Variants in CNTNAP2 observed in about 807,000 individuals in gnomAD.
CNTNAP2 encodes contactin associated protein 2.
CNTNAP2 carries 98 observed loss-of-function variants against 155.2 expected under a neutral mutation model. The observed-to-expected ratio is 0.63, with a 90% CI of 0.54 to 0.75. The LOEUF is 0.75. Ranked by LOEUF, CNTNAP2 falls within the 30% of genes least tolerant of loss-of-function variation. The pLI, the probability that CNTNAP2 is intolerant of heterozygous loss-of-function variation, is 0.00. For synonymous variants in CNTNAP2, 651 were observed against 631.2 expected (o/e 1.03, Z -0.47); for missense variants, 1,727 against 1,688.1 (o/e 1.02, Z -0.40).
chr7:146,875,762 T>G (rs572061583), intron 3 of CNTNAP2, among the ~76,000 whole-genome samples: 1 of 151,238 alleles, frequency 6.6e-6, no homozygotes, highest in Admixed American at 6.6e-5. Context: ...ATTTTTCAGC[T>G]TGGCCAGGTG....
At chr7:148,224,125 A>C (rs564731190) in intron 19 of CNTNAP2, among the ~76,000 whole-genome samples, 2 of 152,362 alleles carry the variant, frequency 1.3e-5, no homozygotes, top group South Asian at 2.1e-4. Context: ...ATGTGTTCTG[A>C]AGAAATGAAT....
intron 16 of CNTNAP2, among the ~76,000 whole-genome samples, chr7:148,133,251 C>A (rs1804870589): frequency 6.6e-6 from 1 of 151,706 alleles, no homozygotes; most frequent in African/African-American, 2.4e-5. Flanking sequence ...AGCCTGAGGC[C>A]ACGAGATCTA....
chr7:148,366,282 G>GTGTGTA lies in CNTNAP2; in HGVS notation c.3476-17366_3476-17365insGTGTAT, dbSNP rs1281214156. Among the ~76,000 whole-genome samples, 881 of 118,764 alleles carry GTGTGTA rather than the reference G, an allele frequency of 7.4e-3. 19 individuals are homozygous for GTGTGTA. Among genetic ancestry groups the GTGTGTA allele is most frequent in the Middle Eastern group, 0.028 (5 of 176 alleles). The allele number at this position is 118,764 out of a possible 152,430, so 77.9% of individuals were successfully genotyped here. A position where few individuals can be genotyped will look rare whatever the true frequency, so the allele number is the denominator to read the frequency against. Reference sequence around the variant, plus strand: ...TGTGTATATGTGTACATGTATATATGTATGTGTACATGTATATATGTATGT... The same window carrying GTGTGTA: ...TGTGTATATGTGTACATGTATATATGTGTGTATATGTGTACATGTATATATGTATGT... On this transcript the variant is annotated intron_variant, in intron 21 of 23. Transcript: ENST00000361727.
chr7:146,721,474 A>C (rs1178282705), intron 1 of CNTNAP2, among the ~76,000 whole-genome samples: 1 of 130,360 alleles, frequency 7.7e-6, no homozygotes, highest in Non-Finnish European at 1.5e-5. Context: ...TATACATTCT[A>C]TATATATTCT....
intron 2 of CNTNAP2, 81 bp downstream of exon 2, chr7:146,774,462 C>T: frequency 1.0e-6 from 1 of 966,914 alleles, no homozygotes; most frequent in East Asian, 2.7e-5. Flanking sequence ...TATATATAAT[C>T]ACACAACAGA....
chr7:147,344,133 A>AT (rs142482479), intron 9 of CNTNAP2, among the ~76,000 whole-genome samples: 54 of 152,254 alleles, frequency 3.5e-4, no homozygotes, highest in African/African-American at 1.2e-3. Context: ...AGACTTTGTG[A>AT]TTTTAAAGCC....
intron 13 of CNTNAP2, among the ~76,000 whole-genome samples, chr7:147,791,451 C>CTTTTTTT (rs1240752761): frequency 7.5e-6 from 1 of 132,624 alleles, no homozygotes; most frequent in African/African-American, 2.9e-5. Context: ...GTCTCTCTCT[C>CTTTTTTT]TCTTTTTTTT....
chr7:147,302,331 G>A (rs901393736), intron 9 of CNTNAP2, among the ~76,000 whole-genome samples: 1 of 152,172 alleles, frequency 6.6e-6, no homozygotes, highest in Non-Finnish European at 1.5e-5. Context: ...CTAGAGGGGC[G>A]AGCACATAGC....
chr7:146,985,463 G>A (rs1006356453), intron 3 of CNTNAP2, among the ~76,000 whole-genome samples: 9 of 151,130 alleles, frequency 6.0e-5, no homozygotes, highest in African/African-American at 1.7e-4. Context: ...GACTACAGGC[G>A]CCTGCCACCA....
intron 1 of CNTNAP2, among the ~76,000 whole-genome samples, chr7:146,209,217 TCA>T (rs1798997532): frequency 6.6e-6 from 1 of 152,088 alleles, no homozygotes; most frequent in Non-Finnish European, 1.5e-5. Context: ...CCTCAAGAAG[TCA>T]CAGTCAGAAC....
intron 12 of CNTNAP2, among the ~76,000 whole-genome samples, chr7:147,616,364 T>G (rs1321897249): frequency 6.6e-6 from 1 of 152,172 alleles, no homozygotes; most frequent in Non-Finnish European, 1.5e-5. Context: ...CACTACTGCT[T>G]AAATCTCTGC....
intron 8 of CNTNAP2, 79 bp from the exon 9 acceptor site, chr7:147,300,062 T>C (rs1794913511): frequency 4.2e-6 from 6 of 1,444,506 alleles, no homozygotes; most frequent in Non-Finnish European, 5.8e-6. Context: ...ATTTGTAAAA[T>C]CGTGATTTGT....
intron 8 of CNTNAP2, among the ~76,000 whole-genome samples, chr7:147,233,195 G>C (rs1803723353): frequency 1.3e-5 from 2 of 152,146 alleles, no homozygotes; most frequent in Admixed American, 6.5e-5. Context: ...TCCCACCTTA[G>C]AGATAAAGCT....
rs1465197854 is a variant in CNTNAP2, at chr7:147,101,465, C to T, written c.551-6682C>T. ...TGTTGCAGTGCTCTTTTAGCTTTGC[C>T]ATCTGTGGATGGTTAAGTGTTAACC... On this transcript the variant is annotated intron_variant, in intron 4 of 23. Coordinates refer to ENST00000361727, the MANE Select transcript of CNTNAP2 (RefSeq NM_014141.6). Among the ~76,000 whole-genome samples the T allele has an allele frequency of 2.0e-5, 3 of 152,254 alleles. No homozygotes were observed. In the East Asian group the frequency reaches 5.8e-4, roughly 30 times the overall value.
At chr7:147,060,754 C>T (rs1475691105) in intron 4 of CNTNAP2, among the ~76,000 whole-genome samples, 1 of 152,014 alleles carries the variant, frequency 6.6e-6, no homozygotes, top group Non-Finnish European at 1.5e-5. Flanking sequence ...GTCCCAGCTA[C>T]TCTGGAGGCT....
chr7:147,527,285 A>T (rs1329189785), intron 11 of CNTNAP2, among the ~76,000 whole-genome samples: 1 of 152,024 alleles, frequency 6.6e-6, no homozygotes, highest in Non-Finnish European at 1.5e-5. Context: ...GGCCTCCCAC[A>T]GTGCTGGGAT....
rs74648468 is a variant in CNTNAP2 at position 147,710,902 on chromosome 7, A to G, written c.2098+71596A>G. ...GATGCTTCTCTAGAGTGATGTTCAGATTAATGTTATGCCATTTGTAAAGGC... is the reference window on the plus strand; with the variant it reads ...GATGCTTCTCTAGAGTGATGTTCAGGTTAATGTTATGCCATTTGTAAAGGC... On this transcript the variant is annotated intron_variant, in intron 13 of 23. Coordinates refer to ENST00000361727, the MANE Select transcript of CNTNAP2 (RefSeq NM_014141.6). Among the ~76,000 whole-genome samples, 835 of 152,300 alleles carry G rather than the reference A, an allele frequency of 5.5e-3. 7 individuals carry two copies. Among genetic ancestry groups the G allele is most frequent in the African/African-American group, 0.019 (781 of 41,566 alleles).
intron 17 of CNTNAP2, among the ~76,000 whole-genome samples, chr7:148,153,911 A>G (rs1365629591): frequency 6.6e-6 from 1 of 152,224 alleles, no homozygotes; most frequent in African/African-American, 2.4e-5. Context: ...TAGCCAGAGC[A>G]TGCAACTGCT....
intron 15 of CNTNAP2, among the ~76,000 whole-genome samples, chr7:148,005,827 T>C (rs1013828495): frequency 1.3e-5 from 2 of 152,186 alleles, no homozygotes; most frequent in Non-Finnish European, 2.9e-5. Flanking sequence ...GAAGTATTAT[T>C]GCTTTGTTAC....
Sources: gnomAD v4.1 joint callset for allele counts (sites outside exome capture counted in the v4.1 genomes callset) on GRCh38, gnomAD v4.1.1 for gene constraint, MANE v1.5 for transcripts, NCBI Gene and HGNC (gene_info 2026-07-23, HGNC 2026-07-21) for gene names.